Variants in DOCK4 observed in about 807,000 individuals in gnomAD.
DOCK4 encodes the protein dedicator of cytokinesis 4, also known as dedicator of cytokinesis protein 4.
A neutral mutation model predicts 268.1 loss-of-function variants in DOCK4; 97 were observed. The ratio of observed to expected loss-of-function variants is 0.36; its 90% confidence interval spans 0.31 to 0.43. DOCK4 has a LOEUF of 0.43. Ranked by LOEUF, DOCK4 falls within the 20% of genes least tolerant of loss-of-function variation. The pLI, the probability that DOCK4 is intolerant of heterozygous loss-of-function variation, is 1.00. For missense variants in DOCK4, 2,145 were observed against 2,455.7 expected, an observed-to-expected ratio of 0.87 and a Z score of 2.67; for synonymous variants, 954 against 887.2, an observed-to-expected ratio of 1.08 and a Z score of -1.34.
At chr7:111,960,591 G>C (rs1287821526) in intron 8 of DOCK4, among the ~76,000 whole-genome samples, 1 of 131,014 alleles carries the variant, frequency 7.6e-6, no homozygotes, top group Non-Finnish European at 1.5e-5. Context: ...CAATGTGCAA[G>C]TATATAATAC....
At chr7:112,024,726 T>TA (rs763276442) in intron 1 of DOCK4, among the ~76,000 whole-genome samples, 9 of 152,156 alleles carry the variant, frequency 5.9e-5, no homozygotes, top group Non-Finnish European at 1.2e-4. Flanking sequence ...TTCTAAAACT[T>TA]AAGGTAGATC....
At chr7:111,924,769 T>C (rs1793458427) in intron 12 of DOCK4, among the ~76,000 whole-genome samples, 1 of 152,112 alleles carries the variant, frequency 6.6e-6, no homozygotes, top group Admixed American at 6.5e-5. Context: ...AATAAATAAA[T>C]ATGAAAAATA....
chr7:111,995,002 T>G (rs1023304265), intron 4 of DOCK4, among the ~76,000 whole-genome samples: 5 of 151,298 alleles, frequency 3.3e-5, no homozygotes, highest in Admixed American at 2.6e-4. Context: ...AGAATATGCA[T>G]GAGGAGATGG....
intron 12 of DOCK4, 186 bp downstream of exon 12, chr7:111,935,354 G>A: frequency 1.5e-6 from 1 of 656,416 alleles, no homozygotes; most frequent in South Asian, 1.6e-5. Flanking sequence ...TTTTTTATAG[G>A]GAGTTATAAG....
At chr7:111,926,613 G>C (rs1233856438) in intron 12 of DOCK4, among the ~76,000 whole-genome samples, 1 of 149,878 alleles carries the variant, frequency 6.7e-6, no homozygotes, top group Admixed American at 6.6e-5. Flanking sequence ...ACGAGGTCAG[G>C]AGATCGAGAC....
intron 1 of DOCK4, among the ~76,000 whole-genome samples, chr7:112,195,735 C>A (rs1027772599): frequency 6.6e-6 from 1 of 151,982 alleles, no homozygotes; most frequent in Non-Finnish European, 1.5e-5. Flanking sequence ...CAAATCTCCA[C>A]GTTTCTGCTT....
intron 1 of DOCK4, among the ~76,000 whole-genome samples, chr7:112,145,615 A>C (rs1040689855): frequency 2.6e-5 from 4 of 152,228 alleles, no homozygotes; most frequent in African/African-American, 9.6e-5. Flanking sequence ...ATACAAACCT[A>C]ACAGGATCAT....
At chr7:111,867,648 C>T (rs1054954782) in intron 22 of DOCK4, among the ~76,000 whole-genome samples, 1 of 152,156 alleles carries the variant, frequency 6.6e-6, no homozygotes, top group African/African-American at 2.4e-5. Flanking sequence ...GGGAAAAGAA[C>T]TGCAAGAGAT....
intron 1 of DOCK4, among the ~76,000 whole-genome samples, chr7:112,051,470 G>A (rs1408145525): frequency 6.6e-6 from 1 of 151,942 alleles, no homozygotes; most frequent in Non-Finnish European, 1.5e-5. Context: ...TTCTTTTATC[G>A]AAAAGAAGAG....
chr7:112,190,078 C>G (rs1819812784), intron 1 of DOCK4, among the ~76,000 whole-genome samples: 1 of 152,230 alleles, frequency 6.6e-6, no homozygotes, highest in East Asian at 1.9e-4. Context: ...TCAACAAAGC[C>G]TGGATTATAC....
chr7:111,972,250 G>C (rs1164493084), intron 8 of DOCK4, among the ~76,000 whole-genome samples: 1 of 152,140 alleles, frequency 6.6e-6, no homozygotes, highest in African/African-American at 2.4e-5. Flanking sequence ...CTTAGGCAGT[G>C]ATTCTGATGC....
At chr7:112,102,336 T>C (rs259314) in intron 1 of DOCK4, among the ~76,000 whole-genome samples, 48,127 of 151,838 alleles carry the variant, frequency 0.32, 8,163 homozygotes, top group Non-Finnish European at 0.38. Flanking sequence ...ACCAAGAAAA[T>C]AGTCATTAAG....
intron 13 of DOCK4, among the ~76,000 whole-genome samples, chr7:111,909,658 T>C (rs971861154): frequency 1.3e-5 from 2 of 152,230 alleles, no homozygotes; most frequent in South Asian, 4.1e-4. Context: ...CTCCAGTGTT[T>C]TCACTTAAAT....
chr7:111,770,745 G>GT (rs1798078311), intron 36 of DOCK4, among the ~76,000 whole-genome samples: 1 of 152,122 alleles, frequency 6.6e-6, no homozygotes, highest in Non-Finnish European at 1.5e-5. Context: ...TCCACCTCAG[G>GT]TTTCTCAAAA....
intron 15 of DOCK4, among the ~76,000 whole-genome samples, chr7:111,896,486 G>GCTTTTTTTTTTTTTTTTTTTTTTTTTTTT (rs750840339): frequency 7.5e-6 from 1 of 134,006 alleles, no homozygotes; most frequent in African/African-American, 3.2e-5. Flanking sequence ...TTTCCACCAA[G>GCTTTTTTTTTTTTTTTTTTTTTTTTTTTT]GTTTTTTTTT....
intron 14 of DOCK4, among the ~76,000 whole-genome samples, chr7:111,901,064 A>T (rs1791102562): frequency 6.6e-6 from 1 of 152,208 alleles, no homozygotes; most frequent in Non-Finnish European, 1.5e-5. Context: ...ATGGCTTTAA[A>T]AATATGCTGC....
At chr7:111,827,976 T>G (rs1802530184) in intron 26 of DOCK4, among the ~76,000 whole-genome samples, 1 of 152,164 alleles carries the variant, frequency 6.6e-6, no homozygotes, top group Non-Finnish European at 1.5e-5. Flanking sequence ...TATAATCTTG[T>G]GCTTATAGCA....
At chr7:111,955,729 A>C (rs1392155249) in intron 8 of DOCK4, among the ~76,000 whole-genome samples, 1 of 152,250 alleles carries the variant, frequency 6.6e-6, no homozygotes, top group African/African-American at 2.4e-5. Flanking sequence ...AATTATAAAT[A>C]ATGTTCAGAT....
intron 8 of DOCK4, among the ~76,000 whole-genome samples, chr7:111,961,660 C>T (rs1160678428): frequency 1.3e-5 from 2 of 152,202 alleles, no homozygotes; most frequent in Non-Finnish European, 1.5e-5. Context: ...TGAATCAAGG[C>T]TCGTGCTTCA....
Sources: gnomAD v4.1 joint callset for allele counts (sites outside exome capture counted in the v4.1 genomes callset) on GRCh38, gnomAD v4.1.1 for gene constraint, MANE v1.5 for transcripts, NCBI Gene and HGNC (gene_info 2026-07-23, HGNC 2026-07-21) for gene names.